MRC1: variants seen among roughly 807,000 people sequenced by gnomAD.
MRC1 encodes mannose receptor C-type 1, also known as macrophage mannose receptor 1.
A neutral mutation model predicts 102.9 loss-of-function variants in MRC1; 62 were observed. The observed-to-expected ratio is 0.60, with a 90% CI of 0.49 to 0.74. The LOEUF (loss-of-function observed/expected upper bound fraction) is 0.74. Among genes scored for constraint, MRC1 ranks in the 30% least tolerant of loss-of-function variants. The pLI, the probability that MRC1 is intolerant of heterozygous loss-of-function variation, is 0.00. For missense variants in MRC1, 1,237 were observed against 862.8 expected (o/e 1.43, Z -5.43); for synonymous variants, 457 against 298.4 (o/e 1.53, Z -5.48).
At chr10:17,836,159 A>G (rs1463839546) in intron 4 of MRC1, among the ~76,000 whole-genome samples, 1 of 152,200 alleles carries the variant, frequency 6.6e-6, no homozygotes, top group Non-Finnish European at 1.5e-5. Context: ...ACCTTGCCTC[A>G]TTTCTTAGCA....
intron 2 of MRC1, among the ~76,000 whole-genome samples, chr10:17,826,787 G>C (rs1385834646): frequency 6.6e-6 from 1 of 152,152 alleles, no homozygotes; most frequent in Non-Finnish European, 1.5e-5. Context: ...CACTCAATCT[G>C]TTGGCCTTAA....
At chr10:17,857,172 T>A (rs927305767) in intron 9 of MRC1, among the ~76,000 whole-genome samples, 1 of 152,226 alleles carries the variant, frequency 6.6e-6, no homozygotes, top group African/African-American at 2.4e-5. Flanking sequence ...AATCATAGCA[T>A]GGAAGAGTCA....
intron 11 of MRC1, among the ~76,000 whole-genome samples, chr10:17,865,046 CT>C (rs1833244687): frequency 6.6e-6 from 1 of 152,134 alleles, no homozygotes; most frequent in Non-Finnish European, 1.5e-5. Context: ...GATTCTTTGA[CT>C]TTTTATACAG....
At chr10:17,826,737 T>C (rs892529945) in intron 2 of MRC1, among the ~76,000 whole-genome samples, 1 of 152,242 alleles carries the variant, frequency 6.6e-6, no homozygotes. Flanking sequence ...TGATTCTGTG[T>C]TTGTTTCAAT....
At chr10:17,814,677 C>CTTTTTTT (rs1179816829) in intron 1 of MRC1, among the ~76,000 whole-genome samples, 2 of 85,124 alleles carry the variant, frequency 2.3e-5, no homozygotes, top group Admixed American at 1.4e-4. Flanking sequence ...TTCCGTCCCT[C>CTTTTTTT]TTTTTTTTTT....
In MRC1 at chr10:17,823,376, A is replaced by C. The variant is rs781927882; in HGVS notation, c.364A>C (p.Arg122=). 2.2e-5 allele frequency: 17 copies of C among 780,782 alleles called. No individual in the cohort carries two copies. Among genetic ancestry groups the C allele is most frequent in the Non-Finnish European group, 3.8e-5 (16 of 417,968 alleles). The allele number at this position is 780,782 out of a possible 1,614,324, so 48.4% of individuals were successfully genotyped here. A position where few individuals can be genotyped will look rare whatever the true frequency, so the allele number is the denominator to read the frequency against. The change falls in exon 2 of 30, where the codon AGA becomes CGA. Residue 122 remains arginine, a synonymous_variant. Coordinates refer to ENST00000569591, the MANE Select transcript of MRC1 (RefSeq NM_002438.4). ...GEDLFFNYGN[R]QEKNIMLYKG... ...AGATTTATTTTTTAACTACGGCAAC[A>C]GACAAGAAAAGAATATTATGCTCTA...
chr10:17,887,284 C>T (rs1000498694), intron 22 of MRC1, among the ~76,000 whole-genome samples: 10 of 151,992 alleles, frequency 6.6e-5, no homozygotes, highest in African/African-American at 1.9e-4. Flanking sequence ...CCAGCTGCTC[C>T]GGAGGCTGAG....
chr10:17,896,345 C>T (rs973564107), intron 23 of MRC1, among the ~76,000 whole-genome samples: 7 of 152,090 alleles, frequency 4.6e-5, no homozygotes, highest in Admixed American at 3.3e-4. Context: ...AAAAGCCATC[C>T]CAGTGCATGT....
At chr10:17,829,944 T>C (rs1589167564) in intron 3 of MRC1, among the ~76,000 whole-genome samples, 1 of 151,686 alleles carries the variant, frequency 6.6e-6, no homozygotes, top group East Asian at 1.9e-4. Context: ...TATTTATGCC[T>C]TCACTGTCAA....
intron 24 of MRC1, among the ~76,000 whole-genome samples, chr10:17,899,301 T>C (rs1833797728): frequency 1.3e-5 from 2 of 152,244 alleles, no homozygotes; most frequent in South Asian, 4.1e-4. Flanking sequence ...TTTACGTCGC[T>C]GTTGACTAAG....
chr10:17,860,532 ACT>A (rs2130659493), intron 9 of MRC1, among the ~76,000 whole-genome samples: 1 of 151,636 alleles, frequency 6.6e-6, no homozygotes, highest in East Asian at 1.9e-4. Context: ...CCCAACTTCG[ACT>A]CCCAAAGTGC....
At chr10:17,907,124 C>T (rs1450855310) in intron 27 of MRC1, 125 bp downstream of exon 27, 23 of 693,296 alleles carry the variant, frequency 3.3e-5, no homozygotes, top group South Asian at 5.2e-5. Flanking sequence ...AAAATTCAAA[C>T]TCATATTTTT....
intron 1 of MRC1, among the ~76,000 whole-genome samples, chr10:17,819,453 A>ATG (rs59778334): frequency 0.16 from 23,551 of 145,484 alleles, 1,940 homozygotes; most frequent in East Asian, 0.23. Flanking sequence ...TCAGAGTTGT[A>ATG]TGTGTGTGTG....
Position 17,848,895 on chromosome 10 carries a change from T to G in MRC1, c.1064-684T>G, listed in dbSNP as rs974925912. Among the ~76,000 whole-genome samples, 218 of 152,244 alleles carry G rather than the reference T, an allele frequency of 1.4e-3. 3 individuals carry two copies. The Middle Eastern group carries it at 0.071, about 50-fold the overall frequency. On this transcript the variant is annotated intron_variant, in intron 6 of 29. Coordinates refer to ENST00000569591, the MANE Select transcript of MRC1 (RefSeq NM_002438.4). ...GGTGGCGGAGGCTCCTTGGAGACCG[T>G]TTGTCCCCCAGCCATTCCAGCTCTC...
Position 17,907,542 on chromosome 10 carries a change from C to T in MRC1, c.3922C>T (p.Leu1308=), listed in dbSNP as rs1554843974. The change falls in exon 28 of 30, where the codon CTG becomes TTG. Residue 1308 remains leucine, a synonymous_variant. Transcript: ENST00000569591. Reference sequence around the variant, plus strand: ...TTTTATCTGATGACCAGGGACGTGGCTGTGGATAAATAACAGTCCGGTCTC... The same window carrying T: ...TTTTATCTGATGACCAGGGACGTGGTTGTGGATAAATAACAGTCCGGTCTC... ...GLFRNVEGTW[L]WINNSPVSFV... 1 of 780,832 alleles carries T rather than the reference C, an allele frequency of 1.3e-6. No individual in the cohort carries two copies. Among genetic ancestry groups the T allele is most frequent in the South Asian group, 1.3e-5 (1 of 74,620 alleles). The allele number at this position is 780,832 out of a possible 1,614,324, so 48.4% of individuals were successfully genotyped here. A position where few individuals can be genotyped will look rare whatever the true frequency, so the allele number is the denominator to read the frequency against.
At chr10:17,825,226 G>A (rs2130595248) in intron 2 of MRC1, among the ~76,000 whole-genome samples, 1 of 152,284 alleles carries the variant, frequency 6.6e-6, no homozygotes, top group East Asian at 1.9e-4. Context: ...GAACATGGGG[G>A]AGGGGTAGAA....
chr10:17,835,760 C>T (rs1163283190), intron 4 of MRC1, among the ~76,000 whole-genome samples: 1 of 152,148 alleles, frequency 6.6e-6, no homozygotes, highest in Non-Finnish European at 1.5e-5. Flanking sequence ...TGCAGTGGTT[C>T]TTCTGTGTGA....
intron 18 of MRC1, 98 bp from the exon 19 acceptor site, chr10:17,879,623 A>G (rs964157743): frequency 6.4e-6 from 5 of 779,926 alleles, no homozygotes; most frequent in East Asian, 2.4e-5. Context: ...TCGGCCTCCC[A>G]TGGTGCTGGG....
intron 1 of MRC1, among the ~76,000 whole-genome samples, chr10:17,819,453 ATGTGTGTGTG>A (rs59778334): frequency 0.011 from 1,544 of 145,776 alleles, 25 homozygotes; most frequent in Middle Eastern, 0.062. Context: ...TCAGAGTTGT[ATGTGTGTGTG>A]TGTGTGTGTG....
Sources: gnomAD v4.1 joint callset for allele counts (sites outside exome capture counted in the v4.1 genomes callset) on GRCh38, gnomAD v4.1.1 for gene constraint, MANE v1.5 for transcripts, NCBI Gene and HGNC (gene_info 2026-07-23, HGNC 2026-07-21) for gene names.